The following RAD51B variants were observed in gnomAD, a reference collection of about 807,000 sequenced individuals.
RAD51B encodes the protein DNA repair protein RAD51 homolog 2.
In RAD51B, 38 loss-of-function variants were observed where a neutral mutation model predicts 42.2. That is an observed-to-expected ratio of 0.90 (90% CI 0.70 to 1.18). RAD51B has a LOEUF of 1.18. Among genes scored for constraint, RAD51B ranks in the 50% most tolerant of loss-of-function variants. The pLI is 0.00. For synonymous variants in RAD51B, 154 were observed against 145.2 expected (o/e 1.06, Z -0.43); for missense variants, 373 against 400.7 (o/e 0.93, Z 0.59).
intron 7 of RAD51B, among the ~76,000 whole-genome samples, chr14:68,228,953 T>C (rs114028266): frequency 6.6e-6 from 1 of 152,356 alleles, no homozygotes; most frequent in African/African-American, 2.4e-5. Context: ...TCTGGGACCC[T>C]AGAAACTGGC....
intron 7 of RAD51B, among the ~76,000 whole-genome samples, chr14:68,158,288 C>T (rs777465577): frequency 2.6e-5 from 4 of 152,192 alleles, no homozygotes; most frequent in Non-Finnish European, 4.4e-5. Flanking sequence ...TTGCATCATC[C>T]ATGCCTGTGG....
chr14:68,350,109 A>G (rs902643991), intron 8 of RAD51B, among the ~76,000 whole-genome samples: 1 of 152,212 alleles, frequency 6.6e-6, no homozygotes, highest in Non-Finnish European at 1.5e-5. Flanking sequence ...CTCTCTGTGC[A>G]CATATAGAGT....
downstream of RAD51B, among the ~76,000 whole-genome samples, chr14:68,598,199 TATC>T: frequency 6.6e-6 from 1 of 152,276 alleles, no homozygotes; most frequent in East Asian, 1.9e-4. Context: ...TTCCTGTTGA[TATC>T]ATTGTCAGAC....
intron 10 of RAD51B, among the ~76,000 whole-genome samples, chr14:68,538,761 A>G (rs900885443): frequency 6.6e-6 from 1 of 151,946 alleles, no homozygotes; most frequent in African/African-American, 2.4e-5. Context: ...TCCTACTTGT[A>G]TGGCGAAAAA....
At chr14:67,962,626 A>T (rs1258072561) in intron 7 of RAD51B, among the ~76,000 whole-genome samples, 2 of 152,216 alleles carry the variant, frequency 1.3e-5, no homozygotes, top group Non-Finnish European at 1.5e-5. Context: ...TATAAAGGCC[A>T]CAGGCGTATC....
chr14:68,620,888 T>C (rs952316084), intron 10 of RAD51B, among the ~76,000 whole-genome samples: 1 of 152,216 alleles, frequency 6.6e-6, no homozygotes, highest in Non-Finnish European at 1.5e-5. Flanking sequence ...ATGGATGGAA[T>C]ATTGGCTGAT....
chr14:68,432,774 G>C (rs556097658), intron 9 of RAD51B, among the ~76,000 whole-genome samples: 4 of 152,286 alleles, frequency 2.6e-5, no homozygotes, highest in African/African-American at 9.6e-5. Context: ...ATTGTTATGT[G>C]TGAATTTGAT....
chr14:68,395,315 T>G (rs1354362780), intron 8 of RAD51B, among the ~76,000 whole-genome samples: 1 of 152,204 alleles, frequency 6.6e-6, no homozygotes, highest in Non-Finnish European at 1.5e-5. Flanking sequence ...GAATTTTTAT[T>G]TTTACATTTT....
At chr14:67,861,622 A>G (rs909254385) in intron 4 of RAD51B, among the ~76,000 whole-genome samples, 2 of 152,118 alleles carry the variant, frequency 1.3e-5, no homozygotes, top group African/African-American at 4.8e-5. Flanking sequence ...TTTTAAATGA[A>G]AAGACAAGAG....
chr14:68,264,390 G>C (rs2080946519), intron 7 of RAD51B, among the ~76,000 whole-genome samples: 1 of 152,226 alleles, frequency 6.6e-6, no homozygotes, highest in Non-Finnish European at 1.5e-5. Context: ...CGGTATCCAA[G>C]GTTTATAGGC....
chr14:68,300,410 A>C (rs931256396), intron 8 of RAD51B, among the ~76,000 whole-genome samples: 2 of 151,820 alleles, frequency 1.3e-5, no homozygotes, highest in African/African-American at 4.8e-5. Context: ...GGGTCTTGCT[A>C]TCCTGCCCAG....
At chr14:68,490,523 A>T (rs908947040) in intron 10 of RAD51B, among the ~76,000 whole-genome samples, 1 of 152,256 alleles carries the variant, frequency 6.6e-6, no homozygotes, top group African/African-American at 2.4e-5. Flanking sequence ...TCTCTAAGAC[A>T]TATTGCCCCA....
At chr14:68,671,502 A>G (rs769192358) in intron 11 of RAD51B, among the ~76,000 whole-genome samples, 5 of 151,714 alleles carry the variant, frequency 3.3e-5, no homozygotes, top group Admixed American at 6.6e-5. Flanking sequence ...TTTGCTTGAA[A>G]TATCTGTCTA....
At chr14:68,462,521 G>A (rs1249318303) in intron 9 of RAD51B, among the ~76,000 whole-genome samples, 2 of 152,172 alleles carry the variant, frequency 1.3e-5, no homozygotes, top group Non-Finnish European at 2.9e-5. Context: ...GTACATATTG[G>A]ATATACCTTA....
At chr14:68,550,352 A>C (rs10141352) in intron 10 of RAD51B, among the ~76,000 whole-genome samples, 1 of 152,182 alleles carries the variant, frequency 6.6e-6, no homozygotes, top group Non-Finnish European at 1.5e-5. Context: ...TATTCATGGA[A>C]TCTTTCATGC....
At chr14:67,827,330 A>G (rs547868402) in intron 3 of RAD51B, among the ~76,000 whole-genome samples, 3 of 152,178 alleles carry the variant, frequency 2.0e-5, no homozygotes, top group African/African-American at 2.4e-5. Flanking sequence ...TTTAATTTCT[A>G]CTTCCATCAC....
intron 7 of RAD51B, among the ~76,000 whole-genome samples, chr14:68,251,133 G>A (rs984568824): frequency 1.3e-5 from 2 of 151,784 alleles, no homozygotes; most frequent in African/African-American, 4.8e-5. Context: ...CTTGATTCTT[G>A]TATGACAGAT....
intron 5 of RAD51B, among the ~76,000 whole-genome samples, chr14:67,869,089 T>C (rs2042430839): frequency 6.6e-6 from 1 of 152,200 alleles, no homozygotes. Context: ...GGATGGAGAA[T>C]GACTTTGACG....
intron 10 of RAD51B, among the ~76,000 whole-genome samples, chr14:68,486,783 C>T (rs1883657487): frequency 6.6e-6 from 1 of 152,194 alleles, no homozygotes; most frequent in Non-Finnish European, 1.5e-5. Flanking sequence ...ACCTCAACTC[C>T]AAAGTCTGTA....
Sources: allele counts gnomAD v4.1 joint callset (sites outside exome capture counted in the v4.1 genomes callset), GRCh38; gene constraint gnomAD v4.1.1; transcripts MANE v1.5; gene names NCBI Gene and HGNC (gene_info 2026-07-23, HGNC 2026-07-21).